The following ATOSA variants were observed in gnomAD, a reference collection of about 807,000 sequenced individuals.
ATOSA encodes atos homolog protein A.
chr15:52,600,302 A>AG, the ATOSA span: 1 of 951,984 alleles, frequency 1.1e-6, no homozygotes, highest in Admixed American at 2.0e-5. Context: ...ATCTTGAGAC[A>AG]GGGTCTCACT....
At chr15:52,649,360 C>T in the ATOSA span, 1 of 151,988 alleles carries the variant, frequency 6.6e-6, no homozygotes, top group African/African-American at 2.4e-5. Context: ...GTAGGAACGA[C>T]TTAAAAAAAG....
chr15:52,663,013 C>G, the ATOSA span, among the ~76,000 whole-genome samples: 1 of 152,114 alleles, frequency 6.6e-6, no homozygotes, highest in Non-Finnish European at 1.5e-5. Context: ...CTGTCTGATA[C>G]TAGCAAATGA....
chr15:52,706,854 T>G, the ATOSA span, among the ~76,000 whole-genome samples: 1 of 152,088 alleles, frequency 6.6e-6, no homozygotes, highest in Non-Finnish European at 1.5e-5. Context: ...TACGCAAATC[T>G]GTAGAGAGAG....
the ATOSA span, chr15:52,609,232 G>A: frequency 1.2e-6 from 2 of 1,611,816 alleles, no homozygotes; most frequent in African/African-American, 1.3e-5. Context: ...ACATTTATTA[G>A]GTACTAAGTT....
the ATOSA span, among the ~76,000 whole-genome samples, chr15:52,583,166 G>A: frequency 6.6e-6 from 1 of 152,158 alleles, no homozygotes; most frequent in East Asian, 1.9e-4. Context: ...TTTGGGAAGT[G>A]TACAGTTTTC....
At chr15:52,696,470 A>T in the ATOSA span, among the ~76,000 whole-genome samples, 2 of 151,968 alleles carry the variant, frequency 1.3e-5, no homozygotes, top group African/African-American at 2.4e-5. Flanking sequence ...TACCCTTCTC[A>T]TTACAGAGGG....
chr15:52,613,858 C>T, the ATOSA span: 2 of 1,612,612 alleles, frequency 1.2e-6, no homozygotes, highest in Non-Finnish European at 1.7e-6. Flanking sequence ...TCCAGAGTAT[C>T]TGATATAAAA....
the ATOSA span, among the ~76,000 whole-genome samples, chr15:52,606,333 C>T: frequency 2.6e-5 from 4 of 151,948 alleles, no homozygotes; most frequent in Non-Finnish European, 5.9e-5. Context: ...GAAGTTTATA[C>T]CCAAAGATCA....
At chr15:52,668,050 G>A in the ATOSA span, among the ~76,000 whole-genome samples, 7 of 152,284 alleles carry the variant, frequency 4.6e-5, no homozygotes, top group African/African-American at 1.2e-4. Flanking sequence ...CAGCAGTTCC[G>A]CTACTGGGCA....
chr15:52,640,571 CAAAAAAAAAAA>C, the ATOSA span, among the ~76,000 whole-genome samples: 3 of 27,570 alleles, frequency 1.1e-4, no homozygotes, highest in East Asian at 1.3e-3. Flanking sequence ...ACTCAAGTCT[CAAAAAAAAAAA>C]AAAAAAAAAA....
chr15:52,611,915 AT>A, the ATOSA span: 1 of 748,744 alleles, frequency 1.3e-6, no homozygotes, highest in East Asian at 2.7e-5. Context: ...AGAATTGGCT[AT>A]CTAGGTTTCC....
chr15:52,581,524 G>GA, the ATOSA span: 7 of 152,216 alleles, frequency 4.6e-5, no homozygotes, highest in East Asian at 1.3e-3. Flanking sequence ...CTTGCAAAGG[G>GA]AAAGTGAAGC....
At chr15:52,653,003 C>T in the ATOSA span, among the ~76,000 whole-genome samples, 2 of 152,112 alleles carry the variant, frequency 1.3e-5, no homozygotes, top group African/African-American at 4.8e-5. Context: ...AAATATTTCC[C>T]CTGAACGTCG....
At chr15:52,612,034 G>A in the ATOSA span, among the ~76,000 whole-genome samples, 1 of 152,132 alleles carries the variant, frequency 6.6e-6, no homozygotes, top group Non-Finnish European at 1.5e-5. Flanking sequence ...GCCCAGGCTG[G>A]AGGGCAGTGG....
chr15:52,617,588 G>A, the ATOSA span, among the ~76,000 whole-genome samples: 1 of 151,940 alleles, frequency 6.6e-6, no homozygotes, highest in Non-Finnish European at 1.5e-5. Context: ...AATTCAGAGA[G>A]TAAGACAAAA....
the ATOSA span, chr15:52,678,431 C>T: frequency 5.0e-6 from 1 of 200,928 alleles, no homozygotes; most frequent in Non-Finnish European, 1.0e-5. Flanking sequence ...CAAACTAACC[C>T]CTTCGTACAA....
the ATOSA span, among the ~76,000 whole-genome samples, chr15:52,663,307 G>T: frequency 6.6e-6 from 1 of 152,126 alleles, no homozygotes; most frequent in Non-Finnish European, 1.5e-5. Flanking sequence ...TTCTCCAGTG[G>T]AATTAATCAT....
chr15:52,666,424 T>C, the ATOSA span, among the ~76,000 whole-genome samples: 1 of 152,210 alleles, frequency 6.6e-6, no homozygotes, highest in South Asian at 2.1e-4. Context: ...GCTTAGAGAA[T>C]GAACAACTAC....
the ATOSA span, among the ~76,000 whole-genome samples, chr15:52,684,880 C>T: frequency 1.3e-5 from 2 of 152,104 alleles, no homozygotes; most frequent in Admixed American, 1.3e-4. Flanking sequence ...CCTAGCTCCA[C>T]ATCAGGTATT....
Sources: gnomAD v4.1 joint callset for allele counts (sites outside exome capture counted in the v4.1 genomes callset) on GRCh38, gnomAD v4.1.1 for gene constraint, MANE v1.5 for transcripts, NCBI Gene and HGNC (gene_info 2026-07-23, HGNC 2026-07-21) for gene names.